Variants in CCDC171 observed in about 807,000 individuals in gnomAD.
CCDC171 encodes coiled-coil domain-containing protein 171.
A neutral mutation model predicts 168.2 loss-of-function variants in CCDC171; 177 were observed. The ratio of observed to expected loss-of-function variants is 1.05; its 90% CI spans 0.93 to 1.19. The LOEUF (loss-of-function observed/expected upper bound fraction) is 1.19, where lower values mean the gene tolerates loss of function less well. CCDC171 is among the 50% of genes most tolerant of loss of function. CCDC171 has a pLI of 0.00. For synonymous variants in CCDC171, 687 were observed against 540.8 expected (o/e 1.27, Z -3.75); for missense variants, 1,991 against 1,539.0 (o/e 1.29, Z -4.91).
chr9:15,799,231 T>C (rs1387444017), intron 21 of CCDC171, among the ~76,000 whole-genome samples: 1 of 148,304 alleles, frequency 6.7e-6, no homozygotes, highest in African/African-American at 2.5e-5. Flanking sequence ...TTCCTTCTGC[T>C]TGAGGAACTC....
chr9:15,631,480 T>G (rs994536421), intron 7 of CCDC171, among the ~76,000 whole-genome samples: 2 of 152,170 alleles, frequency 1.3e-5, no homozygotes, highest in African/African-American at 4.8e-5. Flanking sequence ...AGGAAGAAGT[T>G]GACCTTCTGA....
At chr9:16,073,415 C>A in the CCDC171 span, among the ~76,000 whole-genome samples, 1 of 152,168 alleles carries the variant, frequency 6.6e-6, no homozygotes, top group Non-Finnish European at 1.5e-5. Flanking sequence ...GTTCTTTTTA[C>A]AAGCACTCTG....
At chr9:15,994,898 G>A (rs1398569876) in intron 3 of CCDC171, among the ~76,000 whole-genome samples, 4 of 152,098 alleles carry the variant, frequency 2.6e-5, no homozygotes, top group African/African-American at 9.7e-5. Flanking sequence ...TTTTGCATAT[G>A]TAAGGAGGTC....
intron 10 of CCDC171, among the ~76,000 whole-genome samples, chr9:15,693,073 G>T (rs561741148): frequency 6.6e-6 from 1 of 152,050 alleles, no homozygotes; most frequent in East Asian, 2.0e-4. Flanking sequence ...GGAGGCGGAG[G>T]TTGCAATGAG....
chr9:15,627,366 T>A (rs141103875), intron 7 of CCDC171, among the ~76,000 whole-genome samples: 137 of 152,178 alleles, frequency 9.0e-4, no homozygotes, highest in African/African-American at 3.1e-3. Context: ...CTAGCTTTTG[T>A]ATGTGTTTGC....
At chr9:15,678,482 A>G (rs1170907576) in intron 9 of CCDC171, among the ~76,000 whole-genome samples, 1 of 152,198 alleles carries the variant, frequency 6.6e-6, no homozygotes, top group African/African-American at 2.4e-5. Context: ...GCTCGTCAAA[A>G]ATGATGGTGA....
chr9:16,028,955 T>C (rs779236169), intron 6 of CCDC171, among the ~76,000 whole-genome samples: 3 of 152,190 alleles, frequency 2.0e-5, no homozygotes, highest in Non-Finnish European at 4.4e-5. Context: ...CTCTCCAGCC[T>C]CTGCCGGTGC....
chr9:15,729,461 A>T, intron 15 of CCDC171, 149 bp from the exon 16 acceptor site: 2 of 481,100 alleles, frequency 4.2e-6, no homozygotes, highest in Non-Finnish European at 7.0e-6. Flanking sequence ...TCTTTTTTTA[A>T]ATTTCTTTAT....
chr9:16,035,779 A>G (rs895143911), intron 7 of CCDC171, among the ~76,000 whole-genome samples: 1 of 152,218 alleles, frequency 6.6e-6, no homozygotes, highest in Non-Finnish European at 1.5e-5. Flanking sequence ...GTTTCAACAA[A>G]TATTTATTCA....
chr9:15,945,553 C>G (rs1241724214), intron 25 of CCDC171, among the ~76,000 whole-genome samples: 148 of 138,940 alleles, frequency 1.1e-3, no homozygotes, highest in African/African-American at 3.6e-3. Context: ...TGTTTCCTGA[C>G]TTTTTAATGA....
chr9:15,819,162 C>T (rs1321915966), intron 21 of CCDC171, among the ~76,000 whole-genome samples: 1 of 117,376 alleles, frequency 8.5e-6, no homozygotes, highest in Non-Finnish European at 1.9e-5. Flanking sequence ...TTGTCATCAC[C>T]AGGCCTGCCC....
At position 15,593,981 on chromosome 9, in the gene CCDC171, G is replaced by A; in HGVS notation, c.544-60G>A. The A allele has an allele frequency of 5.2e-6, 6 of 1,149,202 alleles. No individual in the cohort carries two copies. In the South Asian group the frequency reaches 8.4e-5, roughly 16 times the overall value. The allele number at this position is 1,149,202 out of a possible 1,614,324, so 71.2% of individuals were successfully genotyped here. Reference sequence around the variant, plus strand: ...GAGCCTCTTTGTACATTTAAACTGGGGATGAAGGAAGATAACTTTTATTGA... The same window carrying A: ...GAGCCTCTTTGTACATTTAAACTGGAGATGAAGGAAGATAACTTTTATTGA... On this transcript the variant is annotated intron_variant, in intron 5 of 25. Coordinates refer to ENST00000380701, the MANE Select transcript of CCDC171 (RefSeq NM_173550.4).
At chr9:15,818,563 A>G (rs1174027096) in intron 21 of CCDC171, among the ~76,000 whole-genome samples, 1 of 118,862 alleles carries the variant, frequency 8.4e-6, no homozygotes. Context: ...AAGCCTCAGT[A>G]GCTGATTCGA....
At chr9:15,985,204 G>A (rs1308759255) in intron 3 of CCDC171, among the ~76,000 whole-genome samples, 1 of 152,106 alleles carries the variant, frequency 6.6e-6, no homozygotes, top group Non-Finnish European at 1.5e-5. Flanking sequence ...TAATTATGTG[G>A]CAAATGGAAA....
At chr9:15,591,718 T>C (rs934059645) in intron 5 of CCDC171, among the ~76,000 whole-genome samples, 162 bp downstream of exon 5, 2 of 152,070 alleles carry the variant, frequency 1.3e-5, no homozygotes, top group African/African-American at 4.8e-5. Context: ...CTGGTCTCTT[T>C]TGGAGTATAT....
chr9:15,797,425 A>C (rs2058613341), intron 21 of CCDC171, among the ~76,000 whole-genome samples: 1 of 152,124 alleles, frequency 6.6e-6, no homozygotes, highest in South Asian at 2.1e-4. Context: ...CATGTTGCCC[A>C]GGCTGGTCTT....
intron 6 of CCDC171, among the ~76,000 whole-genome samples, chr9:16,031,700 A>G (rs1424767732): frequency 6.6e-6 from 1 of 152,196 alleles, no homozygotes; most frequent in African/African-American, 2.4e-5. Flanking sequence ...TGCAAGAGGT[A>G]CACTGAATCA....
intron 7 of CCDC171, among the ~76,000 whole-genome samples, chr9:15,640,883 T>C (rs958557208): frequency 4.6e-5 from 7 of 152,104 alleles, no homozygotes; most frequent in African/African-American, 1.4e-4. Context: ...AGACCTTCTG[T>C]TTAAGGGCTC....
At chr9:15,632,688 A>G (rs1263813007) in intron 7 of CCDC171, among the ~76,000 whole-genome samples, 1 of 152,180 alleles carries the variant, frequency 6.6e-6, no homozygotes, top group African/African-American at 2.4e-5. Context: ...GTTCATATGG[A>G]ACCAAAAAAG....
Sources: allele counts gnomAD v4.1 joint callset (sites outside exome capture counted in the v4.1 genomes callset), GRCh38; gene constraint gnomAD v4.1.1; transcripts MANE v1.5; gene names NCBI Gene and HGNC (gene_info 2026-07-23, HGNC 2026-07-21).